CPSF4: variants seen among roughly 807,000 people sequenced by gnomAD.
The protein encoded by CPSF4 is cleavage and polyadenylation specific factor 4.
Under a neutral mutation model 37.7 loss-of-function variants are expected in CPSF4, and 11 were observed. That is an observed-to-expected ratio of 0.29 (90% CI 0.18 to 0.48). The LOEUF is 0.48. Among genes scored for constraint, CPSF4 ranks in the 20% least tolerant of loss-of-function variants. The pLI is 0.99. For missense variants in CPSF4, 144 were observed against 359.5 expected (o/e 0.40, Z 4.85); for synonymous variants, 132 against 135.9 (o/e 0.97, Z 0.20).
rs1461714052 is a variant in CPSF4 at position 99,447,283 on chromosome 7, T to C, written c.155-838T>C. 1.5e-4 allele frequency among the ~76,000 whole-genome samples: 23 copies of C among 150,684 alleles called. No homozygotes were observed. In the East Asian group the frequency reaches 4.3e-3, roughly 28 times the overall value. ...TCTTTTTTTTTTTCTTTTTTTTTTT[T>C]TTGAGACAGAGTTTTGTTCTTGTCA... is the stretch of plus-strand genomic sequence containing the variant. On this transcript the variant is annotated intron_variant, in intron 2 of 7. Coordinates refer to ENST00000292476, the MANE Select transcript of CPSF4 (RefSeq NM_006693.4).
intron 1 of CPSF4, among the ~76,000 whole-genome samples, chr7:99,444,228 G>A (rs1161434930): frequency 6.6e-6 from 1 of 151,878 alleles, no homozygotes; most frequent in Admixed American, 6.6e-5. Flanking sequence ...AGGCCGAGGT[G>A]GGTGGATCAC....
At chr7:99,452,314 C>A in intron 5 of CPSF4, 54 bp from the exon 6 acceptor site, 1 of 1,462,068 alleles carries the variant, frequency 6.8e-7, no homozygotes, top group Non-Finnish European at 9.6e-7. Context: ...CTCTTCTCAT[C>A]CCCTGACCCC....
At chr7:99,439,250 C>T in intron 1 of CPSF4, 65 bp downstream of exon 1, 2 of 1,214,042 alleles carry the variant, frequency 1.6e-6, no homozygotes, top group South Asian at 2.7e-5. Context: ...CCTCTGTGAT[C>T]CCGGGACTCC....
intron 7 of CPSF4, among the ~76,000 whole-genome samples, chr7:99,454,789 T>A (rs982608482): frequency 1.3e-5 from 2 of 152,236 alleles, no homozygotes; most frequent in African/African-American, 4.8e-5. Flanking sequence ...GGTGTGTCCC[T>A]GGCACGTGGC....
At chr7:99,447,589 C>CTTT (rs1195818955) in intron 2 of CPSF4, among the ~76,000 whole-genome samples, 1 of 129,076 alleles carries the variant, frequency 7.7e-6, no homozygotes, top group East Asian at 2.3e-4. Context: ...TCATGAGTAA[C>CTTT]TTTTTTTTTT....
intron 1 of CPSF4, among the ~76,000 whole-genome samples, chr7:99,440,675 T>TATATATATATATA (rs1491236759): frequency 1.4e-3 from 105 of 74,744 alleles, no homozygotes; most frequent in South Asian, 2.9e-3. Flanking sequence ...TATATATATA[T>TATATATATATATA]TTTTTTTTTT....
intron 2 of CPSF4, among the ~76,000 whole-genome samples, chr7:99,446,660 T>A (rs1797518686): frequency 6.7e-6 from 1 of 149,322 alleles, no homozygotes; most frequent in African/African-American, 2.5e-5. Context: ...CAGGCTGGAG[T>A]GCAGTGGCAC....
At position 99,454,063 on chromosome 7, in the gene CPSF4, G is replaced by A; in HGVS notation, c.668G>A (p.Gly223Glu). Residue 223 changes from glycine (G) to glutamate (E), a missense_variant, in exon 7 of 8, where the codon GGG becomes GAG. By Grantham distance (98) the Gly-to-Glu change is moderately conservative (BLOSUM62 -2). This residue lies in a region of CPSF4 where 86 missense variants were observed against 141.5 expected (regional missense o/e 0.61). Coordinates refer to ENST00000292476, the MANE Select transcript of CPSF4 (RefSeq NM_006693.4). ...PNQQRTPQVIGVMQSQNSSAG... is the reference protein window; with the variant it reads ...PNQQRTPQVIEVMQSQNSSAG... The stretch of plus-strand genomic sequence containing the variant: ...CAGCAGAGAACCCCGCAGGTCATCG[G>A]GGTCATGCAGAGTCAAAACAGCAGC... 6.2e-7 allele frequency: 1 copy of A among 1,614,242 alleles called. No homozygotes were observed. The highest frequency in any genetic ancestry group is 2.2e-5 in the East Asian group (1 of 44,880).
chr7:99,457,149 G>C lies in CPSF4; in HGVS notation c.*649G>C. On this transcript the variant is annotated 3_prime_UTR_variant, in exon 8 of 8. Transcript: ENST00000292476. ...TGTTTAAGGTGTCCGTTGAACTGGA[G>C]TTGCAGACTTTTAAATAGATGACCC... The C allele has an allele frequency of 6.1e-6, 1 of 164,242 alleles. No individual in the cohort carries two copies. Among genetic ancestry groups the C allele is most frequent in the South Asian group, 1.6e-4 (1 of 6,434 alleles). The allele number at this position is 164,242 out of a possible 1,614,324, so 10.2% of individuals were successfully genotyped here.
intron 1 of CPSF4, among the ~76,000 whole-genome samples, chr7:99,440,674 A>ATATATATATATTTTTTTTTTTTTT: frequency 1.1e-5 from 1 of 88,088 alleles, no homozygotes; most frequent in Non-Finnish European, 1.8e-5. Context: ...ATATATATAT[A>ATATATATATATTTTTTTTTTTTTT]TTTTTTTTTT....
rs770998074 is a variant in CPSF4 at position 99,448,109 on chromosome 7, TC to T, written c.155-11del. The T allele has an allele frequency of 6.2e-7, 1 of 1,613,460 alleles. No individual in the cohort carries two copies. The highest frequency in any genetic ancestry group is 8.5e-7 in the Non-Finnish European group (1 of 1,179,740). On this transcript the variant is annotated splice_polypyrimidine_tract_variant and intron_variant, in intron 2 of 7. Coordinates refer to ENST00000292476, the MANE Select transcript of CPSF4 (RefSeq NM_006693.4). The surrounding 1 kb of genome is among the most constrained non-coding windows in gnomAD (Gnocchi z 4.4). ...CCTCTCTGCTGACACCCTGTCCCTA[TC>T]TTGCCGGCAGGGGGCATGTGTCCGT... is the stretch of plus-strand genomic sequence containing the variant.
intron 1 of CPSF4, among the ~76,000 whole-genome samples, chr7:99,440,674 A>ATATATATATATTTTTTTTTTTTTTT: frequency 2.3e-5 from 2 of 88,088 alleles, no homozygotes; most frequent in Admixed American, 1.2e-4. Context: ...ATATATATAT[A>ATATATATATATTTTTTTTTTTTTTT]TTTTTTTTTT....
chr7:99,439,199 C>T lies in CPSF4; in HGVS notation c.103+14C>T, dbSNP rs1040896827. 4.4e-6 allele frequency: 7 copies of T among 1,584,306 alleles called. No individual in the cohort carries two copies. The highest frequency in any genetic ancestry group is 6.0e-6 in the Non-Finnish European group (7 of 1,168,152). On this transcript the variant is annotated intron_variant, in intron 1 of 7. Coordinates refer to ENST00000292476, the MANE Select transcript of CPSF4 (RefSeq NM_006693.4). ...CCGGCATGGACAGTGAGCGCGGGGC[C>T]CGGGCGGGAGGGCAAGAGCGACTCG... is the stretch of plus-strand genomic sequence containing the variant.
At chr7:99,442,627 C>G in intron 1 of CPSF4, among the ~76,000 whole-genome samples, 1 of 133,734 alleles carries the variant, frequency 7.5e-6, no homozygotes, top group African/African-American at 2.9e-5. Context: ...CACTGCACTC[C>G]AGCCTGGGCA....
At chr7:99,439,854 G>C (rs1296480648) in intron 1 of CPSF4, among the ~76,000 whole-genome samples, 1 of 152,072 alleles carries the variant, frequency 6.6e-6, no homozygotes, top group African/African-American at 2.4e-5. Context: ...TCTCCTGGGA[G>C]CTCATCCCTA....
intron 7 of CPSF4, 135 bp downstream of exon 7, chr7:99,454,271 T>C: frequency 7.1e-6 from 6 of 839,164 alleles, no homozygotes; most frequent in Non-Finnish European, 9.1e-6. Flanking sequence ...AAAGTTACAG[T>C]CTAGTTACCA....
chr7:99,448,434 C>A lies in CPSF4; in HGVS notation c.307+161C>A. 2.8e-5 allele frequency: 16 copies of A among 578,100 alleles called. No homozygotes were observed. The highest frequency in any genetic ancestry group is 3.5e-5 in the Non-Finnish European group (12 of 345,218). 35.8% of individuals were successfully genotyped at this position (578,100 alleles called of 1,614,324 possible). On this transcript the variant is annotated intron_variant, in intron 3 of 7. Coordinates refer to ENST00000292476, the MANE Select transcript of CPSF4 (RefSeq NM_006693.4). The surrounding 1 kb of genome is among the most constrained non-coding windows in gnomAD (Gnocchi z 4.4). ...CCAGCCTCAGCCAGCTTTTAGGGGA[C>A]AGTGTGGCTATTTTCTGCTCATCTC...
At chr7:99,452,740 C>T in intron 6 of CPSF4, 1 of 330,716 alleles carries the variant, frequency 3.0e-6, no homozygotes, top group East Asian at 5.7e-5. Flanking sequence ...GCGTCTGCCC[C>T]TGGGGCTGGC....
intron 1 of CPSF4, chr7:99,443,569 T>C (rs1206171683): frequency 8.7e-6 from 5 of 572,930 alleles, no homozygotes; most frequent in African/African-American, 1.9e-5. Flanking sequence ...ATCCTAGCAC[T>C]TTGGGAAGCC....
Sources: allele counts gnomAD v4.1 joint callset (sites outside exome capture counted in the v4.1 genomes callset), GRCh38; gene constraint gnomAD v4.1.1; regional missense constraint gnomAD v4.1.1; non-coding constraint Gnocchi (gnomAD v3.1); transcripts MANE v1.5; gene names NCBI Gene and HGNC (gene_info 2026-07-23, HGNC 2026-07-21).